ALPK1: variants seen among roughly 807,000 people sequenced by gnomAD.
ALPK1 encodes alpha kinase 1, also known as alpha-protein kinase 1.
A neutral mutation model predicts 120.6 loss-of-function variants in ALPK1; 110 were observed. That is an observed-to-expected ratio of 0.91 (90% CI 0.78 to 1.07). ALPK1 has a LOEUF of 1.07. Among genes scored for constraint, ALPK1 ranks in the 50% least tolerant of loss-of-function variants. The pLI, the probability that ALPK1 is intolerant of heterozygous loss-of-function variation, is 0.00. For synonymous variants in ALPK1, 582 were observed against 560.3 expected, an observed-to-expected ratio of 1.04 and a Z score of -0.55; for missense variants, 1,498 against 1,483.9, an observed-to-expected ratio of 1.01 and a Z score of -0.16.
chr4:112,368,956 C>T (rs184706188), intron 2 of ALPK1, among the ~76,000 whole-genome samples: 7 of 152,296 alleles, frequency 4.6e-5, no homozygotes, highest in African/African-American at 1.4e-4. Context: ...TTTAAGTTCA[C>T]AGTTTGGCAA....
At chr4:112,349,550 T>TCCCCCCC (rs1560647754) in intron 2 of ALPK1, among the ~76,000 whole-genome samples, 6 of 65,046 alleles carry the variant, frequency 9.2e-5, no homozygotes, top group Non-Finnish European at 1.4e-4. Context: ...CCCCAACCCC[T>TCCCCCCC]GCCCCCCCCC....
intron 2 of ALPK1, among the ~76,000 whole-genome samples, chr4:112,374,344 A>G (rs925673376): frequency 2.0e-5 from 3 of 152,230 alleles, no homozygotes; most frequent in African/African-American, 4.8e-5. Flanking sequence ...CAATTCAGTC[A>G]TATCTTAGGC....
intron 2 of ALPK1, among the ~76,000 whole-genome samples, chr4:112,368,553 C>A (rs1003973908): frequency 3.9e-5 from 6 of 152,008 alleles, no homozygotes; most frequent in African/African-American, 1.4e-4. Context: ...GGTGGGAATT[C>A]TTTGAAGCTT....
intron 8 of ALPK1, among the ~76,000 whole-genome samples, chr4:112,427,041 T>G (rs1168391281): frequency 6.6e-6 from 1 of 152,236 alleles, no homozygotes; most frequent in Non-Finnish European, 1.5e-5. Flanking sequence ...ATCTGGTTAT[T>G]ACATTTCCCT....
At position 112,298,735 on chromosome 4, in the gene ALPK1, G is replaced by A. The variant is rs1727654107; in HGVS notation, c.-153+1266G>A. 2.0e-5 allele frequency among the ~76,000 whole-genome samples: 3 copies of A among 152,132 alleles called. No homozygotes were observed. In the South Asian group the frequency reaches 6.2e-4, roughly 31 times the overall value. On this transcript the variant is annotated intron_variant, in intron 1 of 15. Coordinates refer to ENST00000650871, the MANE Select transcript of ALPK1 (RefSeq NM_025144.4). ...ATATAATAATACTGTGATGAGCTTTGCTGATGTGTTAAGCTGTAACAATAC... is the reference window on the plus strand; with the variant it reads ...ATATAATAATACTGTGATGAGCTTTACTGATGTGTTAAGCTGTAACAATAC...
At chr4:112,370,595 A>C (rs989598699) in intron 2 of ALPK1, among the ~76,000 whole-genome samples, 1 of 152,172 alleles carries the variant, frequency 6.6e-6, no homozygotes, top group Non-Finnish European at 1.5e-5. Flanking sequence ...AGTTGACCAA[A>C]ATTTCCAGCA....
chr4:112,345,738 T>G, intron 2 of ALPK1, among the ~76,000 whole-genome samples: 1 of 152,232 alleles, frequency 6.6e-6, no homozygotes, highest in South Asian at 2.1e-4. Context: ...AGCTTCAACA[T>G]TTAATAGTCC....
intron 2 of ALPK1, among the ~76,000 whole-genome samples, chr4:112,338,405 A>G (rs895409471): frequency 6.6e-6 from 1 of 152,198 alleles, no homozygotes; most frequent in East Asian, 1.9e-4. Context: ...TACCTTGTTT[A>G]AATTAGAAAG....
At chr4:112,347,634 G>C (rs896945429) in intron 2 of ALPK1, among the ~76,000 whole-genome samples, 10 of 152,090 alleles carry the variant, frequency 6.6e-5, no homozygotes, top group South Asian at 2.1e-4. Context: ...TGTTTCTGTG[G>C]GTTGAAAATA....
chr4:112,368,684 T>G (rs1029277659), intron 2 of ALPK1, among the ~76,000 whole-genome samples: 1 of 152,250 alleles, frequency 6.6e-6, no homozygotes, highest in African/African-American at 2.4e-5. Flanking sequence ...AGAGGTGTTA[T>G]GGACTTTGTG....
intron 2 of ALPK1, among the ~76,000 whole-genome samples, chr4:112,334,982 G>A (rs892609949): frequency 6.6e-6 from 1 of 152,148 alleles, no homozygotes; most frequent in Non-Finnish European, 1.5e-5. Context: ...TTTTAAACAG[G>A]GCACAGTGGC....
chr4:112,375,180 CTTTT>C (rs200078535), intron 2 of ALPK1, among the ~76,000 whole-genome samples: 14 of 127,340 alleles, frequency 1.1e-4, no homozygotes, highest in Non-Finnish European at 9.7e-5. Flanking sequence ...TGATGTTTTT[CTTTT>C]TTTTTTTTTT....
chr4:112,414,552 G>A (rs1200225129), intron 5 of ALPK1: 1 of 294,370 alleles, frequency 3.4e-6, no homozygotes, highest in African/African-American at 2.2e-5. Flanking sequence ...AAGTTGCAGT[G>A]AGGTGAGATC....
intron 4 of ALPK1, among the ~76,000 whole-genome samples, chr4:112,392,343 C>A (rs951333583): frequency 6.6e-6 from 1 of 152,168 alleles, no homozygotes; most frequent in Non-Finnish European, 1.5e-5. Flanking sequence ...TAACTTCCCC[C>A]CAACCCTCAT....
At chr4:112,331,484 T>G (rs188748370) in intron 2 of ALPK1, among the ~76,000 whole-genome samples, 115 of 152,364 alleles carry the variant, frequency 7.5e-4, no homozygotes, top group Non-Finnish European at 1.8e-4. Flanking sequence ...TGCACTGTGA[T>G]TATCTTTCCT....
chr4:112,403,033 T>C (rs1180034651), intron 4 of ALPK1, among the ~76,000 whole-genome samples: 2 of 152,174 alleles, frequency 1.3e-5, no homozygotes, highest in Admixed American at 6.5e-5. Flanking sequence ...GTTGTTTTCT[T>C]TTTCTTTCTT....
chr4:112,359,455 A>G (rs1730809607), intron 2 of ALPK1: 1 of 280,382 alleles, frequency 3.6e-6, no homozygotes, highest in Non-Finnish European at 7.0e-6. Flanking sequence ...GTGCATCCAT[A>G]CCACAAGCAG....
chr4:112,422,545 C>T lies in ALPK1; in HGVS notation c.476-1399C>T, dbSNP rs529286837. Reference sequence around the variant, plus strand: ...ATTTCTTCACTGCCTTTTGTCTCTGCAACACCCTTCAAGTCTCCAAAGTTT... The same window carrying T: ...ATTTCTTCACTGCCTTTTGTCTCTGTAACACCCTTCAAGTCTCCAAAGTTT... On this transcript the variant is annotated intron_variant, in intron 5 of 15. Coordinates refer to ENST00000650871, the MANE Select transcript of ALPK1 (RefSeq NM_025144.4). 2.0e-5 allele frequency among the ~76,000 whole-genome samples: 3 copies of T among 152,210 alleles called. No homozygotes were observed. The East Asian group carries it at 5.8e-4, about 29-fold the overall frequency.
rs569289883 is a variant in ALPK1 at position 112,437,215 on chromosome 4, CAACAATGGAATTCAGA to C, written c.3189-1268_3189-1253del. 2.7e-3 allele frequency among the ~76,000 whole-genome samples: 406 copies of C among 152,224 alleles called. 1 individual carries two copies. Among genetic ancestry groups the C allele is most frequent in the African/African-American group, 8.8e-3 (365 of 41,534 alleles). ...TGACCTACAGCTGGTTTCTTCATAG[CAACAATGGAATTCAGA>C]GACAATGGAAGTCATATACTTAGTG... On this transcript the variant is annotated intron_variant, in intron 12 of 15. Transcript: ENST00000650871.
Sources: allele counts gnomAD v4.1 joint callset (sites outside exome capture counted in the v4.1 genomes callset), GRCh38; gene constraint gnomAD v4.1.1; transcripts MANE v1.5; gene names NCBI Gene and HGNC (gene_info 2026-07-23, HGNC 2026-07-21).